Variants in RIC3 observed in about 807,000 individuals in gnomAD.
RIC3 encodes the protein RIC3 acetylcholine receptor chaperone.
Under a neutral mutation model 27.3 loss-of-function variants are expected in RIC3, and 28 were observed. The ratio of observed to expected loss-of-function variants is 1.02; its 90% CI spans 0.76 to 1.41. RIC3 has a LOEUF of 1.41. Among genes scored for constraint, RIC3 ranks in the 40% most tolerant of loss-of-function variants. The pLI, the probability that RIC3 is intolerant of heterozygous loss-of-function variation, is 0.00. For missense variants in RIC3, 501 were observed against 444.7 expected, an observed-to-expected ratio of 1.13 and a Z score of -1.14; for synonymous variants, 184 against 160.4, an observed-to-expected ratio of 1.15 and a Z score of -1.11.
At chr11:8,148,793 ACAGCAGCAG>A (rs559354183) in intron 1 of RIC3, among the ~76,000 whole-genome samples, 2 of 151,720 alleles carry the variant, frequency 1.3e-5, no homozygotes, top group Non-Finnish European at 2.9e-5. Flanking sequence ...GACATAAATA[ACAGCAGCAG>A]CAGCAGCAGC....
At chr11:8,141,723 A>T (rs900497545) in intron 1 of RIC3, among the ~76,000 whole-genome samples, 21 of 152,184 alleles carry the variant, frequency 1.4e-4, no homozygotes, top group Admixed American at 2.6e-4. Flanking sequence ...AACAGAATAT[A>T]CATTTTTTTC....
Position 8,137,445 on chromosome 11 carries a change from C to A in RIC3, c.454G>T (p.Glu152Ter). The A allele has an allele frequency of 6.2e-7, 1 of 1,614,018 alleles. No individual in the cohort carries two copies. The highest frequency in any genetic ancestry group is 2.2e-5 in the East Asian group (1 of 44,886). The change falls in exon 4 of 6, where the codon GAA becomes TAA. Residue 152 changes from glutamate to a stop codon, truncating the protein, a stop_gained. Transcript: ENST00000309737. LOFTEE classifies it high-confidence loss of function. ...ITSFELAQLQEKLKETEAAME... is the reference protein window; with the variant it reads ...ITSFELAQLQ Reference sequence around the variant, plus strand: ...GCTGCTTCTGTCTCCTTCAGTTTTTCTTGCAGTTGAGCAAGCTCAAAACTG... The same window carrying A: ...GCTGCTTCTGTCTCCTTCAGTTTTTATTGCAGTTGAGCAAGCTCAAAACTG...
intron 1 of RIC3, among the ~76,000 whole-genome samples, chr11:8,155,530 C>T (rs1357403452): frequency 2.0e-5 from 3 of 151,982 alleles, no homozygotes; most frequent in Non-Finnish European, 2.9e-5. Context: ...GAGCCAAAAT[C>T]GCGCCACTGC....
the RIC3 span, chr11:8,094,298 A>G: frequency 2.2e-6 from 3 of 1,378,792 alleles, no homozygotes; most frequent in Middle Eastern, 2.4e-4. Context: ...GAACAGCCTC[A>G]GGGAAGACAC....
intron 1 of RIC3, among the ~76,000 whole-genome samples, chr11:8,160,094 T>C (rs746824372): frequency 5.3e-5 from 8 of 152,224 alleles, no homozygotes; most frequent in Non-Finnish European, 8.8e-5. Context: ...AGATATTTAA[T>C]GACATCAAGG....
rs190595332 is a variant in RIC3, at chr11:8,123,061, C to A, written c.670+3598G>T. ...AGACATAAAAAAGACCCAAATGAAA[C>A]TTCTAGAGATGATAATGTCTGAAAT... On this transcript the variant is annotated intron_variant, in intron 5 of 5. Transcript: ENST00000309737. Among the ~76,000 whole-genome samples, 23 of 151,928 alleles carry A rather than the reference C, an allele frequency of 1.5e-4. No individual in the cohort carries two copies. The East Asian group carries it at 4.3e-3, about 28-fold the overall frequency.
At position 8,134,418 on chromosome 11, in the gene RIC3, C is replaced by A. The variant is rs563626609; in HGVS notation, c.521+2960G>T. On this transcript the variant is annotated intron_variant, in intron 4 of 5. Coordinates refer to ENST00000309737, the MANE Select transcript of RIC3 (RefSeq NM_001206671.4). ...CATTGATGGACATCTGGGTTGGTTCCAAGTCTTTGCTATTGTGAATAGTGC... is the reference window on the plus strand; with the variant it reads ...CATTGATGGACATCTGGGTTGGTTCAAAGTCTTTGCTATTGTGAATAGTGC... Among the ~76,000 whole-genome samples the A allele has an allele frequency of 2.6e-3, 396 of 152,234 alleles. 2 individuals are homozygous for A. Among genetic ancestry groups the A allele is most frequent in the African/African-American group, 9.2e-3 (383 of 41,518 alleles).
intron 4 of RIC3, among the ~76,000 whole-genome samples, chr11:8,130,618 C>T (rs1947575434): frequency 6.6e-6 from 1 of 152,130 alleles, no homozygotes; most frequent in Non-Finnish European, 1.5e-5. Context: ...TCCACTCTCA[C>T]TGGCCTATTA....
intron 5 of RIC3, among the ~76,000 whole-genome samples, chr11:8,119,442 G>A (rs1428517824): frequency 6.6e-6 from 1 of 152,082 alleles, no homozygotes; most frequent in Non-Finnish European, 1.5e-5. Flanking sequence ...CAAGAAACGG[G>A]GAAAGCATTC....
intron 4 of RIC3, 85 bp downstream of exon 4, chr11:8,137,293 G>C (rs772718682): frequency 1.8e-4 from 218 of 1,204,602 alleles, no homozygotes; most frequent in Non-Finnish European, 2.4e-4. Flanking sequence ...CAAAGTGCTG[G>C]GATTAGAGGC....
At chr11:8,124,944 A>T (rs574300087) in intron 5 of RIC3, among the ~76,000 whole-genome samples, 1 of 152,150 alleles carries the variant, frequency 6.6e-6, no homozygotes, top group Non-Finnish European at 1.5e-5. Flanking sequence ...GGTTAGCCAA[A>T]TATTTCTTAA....
At chr11:8,141,420 A>G (rs190997603) in intron 1 of RIC3, among the ~76,000 whole-genome samples, 1 of 152,332 alleles carries the variant, frequency 6.6e-6, no homozygotes, top group African/African-American at 2.4e-5. Flanking sequence ...ACAAGATCAA[A>G]AGAGACAAAG....
chr11:8,145,107 C>G (rs1290160135), intron 1 of RIC3, among the ~76,000 whole-genome samples: 1 of 144,432 alleles, frequency 6.9e-6, no homozygotes, highest in Admixed American at 6.9e-5. Context: ...GTGCAGCGCA[C>G]CAGCATGGCA....
Position 8,161,435 on chromosome 11 carries a change from C to T in RIC3, c.124+7431G>A, listed in dbSNP as rs147430197. Among the ~76,000 whole-genome samples the T allele has an allele frequency of 4.0e-4, 61 of 152,242 alleles. 1 individual carries two copies. Among genetic ancestry groups the T allele is most frequent in the African/African-American group, 1.4e-3 (58 of 41,544 alleles). ...AACCTGAGAATAATCCAGATGTCTC[C>T]CTCTCCCTCACTTTCCCATTCTATT... On this transcript the variant is annotated intron_variant, in intron 1 of 5. Transcript: ENST00000309737.
chr11:8,134,330 A>AT (rs1948105839), intron 4 of RIC3, among the ~76,000 whole-genome samples: 1 of 152,106 alleles, frequency 6.6e-6, no homozygotes, highest in Non-Finnish European at 1.5e-5. Context: ...TGAACTCATC[A>AT]TTTTTTATGG....
chr11:8,168,879 C>T lies in RIC3; in HGVS notation c.111G>A (p.Pro37=), dbSNP rs772284281. The T allele has an allele frequency of 6.2e-6, 10 of 1,610,052 alleles. 2 individuals are homozygous for T. The South Asian group carries it at 7.7e-5, about 12-fold the overall frequency. Residue 37 remains proline, a synonymous_variant, in exon 1 of 6, where the codon CCG becomes CCA. Coordinates refer to ENST00000309737, the MANE Select transcript of RIC3 (RefSeq NM_001206671.4). ...GCCTGCTCTTACCTTCAGGTGTCGG[C>T]GGCGGCTCCTGCCGCTTCCCGCGGG... ...FLSRGKRQEP[P]PTPEGKLGRF... is the part of the protein sequence containing the mutation.
At chr11:8,164,340 G>A (rs1371680949) in intron 1 of RIC3, among the ~76,000 whole-genome samples, 1 of 152,184 alleles carries the variant, frequency 6.6e-6, no homozygotes, top group Non-Finnish European at 1.5e-5. Context: ...GACTTTGTCA[G>A]AGAAAATGTA....
At chr11:8,121,352 TTC>T (rs1946426350) in intron 5 of RIC3, among the ~76,000 whole-genome samples, 1 of 152,230 alleles carries the variant, frequency 6.6e-6, no homozygotes, top group African/African-American at 2.4e-5. Context: ...TTGCATTTTT[TTC>T]TCTTTGTGAA....
At chr11:8,167,860 A>G (rs1951855949) in intron 1 of RIC3, among the ~76,000 whole-genome samples, 1 of 152,192 alleles carries the variant, frequency 6.6e-6, no homozygotes, top group Non-Finnish European at 1.5e-5. Flanking sequence ...TATCAGGCAA[A>G]TTCTGTAAAC....
Sources: allele counts gnomAD v4.1 joint callset (sites outside exome capture counted in the v4.1 genomes callset), GRCh38; gene constraint gnomAD v4.1.1; transcripts MANE v1.5; gene names NCBI Gene and HGNC (gene_info 2026-07-23, HGNC 2026-07-21).